The following PER2 variants were observed in gnomAD, a reference collection of about 807,000 sequenced individuals.
PER2 encodes the protein period circadian regulator 2, also known as period circadian protein homolog 2.
A neutral mutation model predicts 121.0 loss-of-function variants in PER2; 66 were observed. The ratio of observed to expected loss-of-function variants is 0.55; its 90% CI spans 0.45 to 0.67. The LOEUF (loss-of-function observed/expected upper bound fraction) is 0.67, where lower values mean the gene tolerates loss of function less well. Among genes scored for constraint, PER2 ranks in the 30% least tolerant of loss-of-function variants. The pLI, the probability that PER2 is intolerant of heterozygous loss-of-function variation, is 0.00. For missense variants in PER2, 1,521 were observed against 1,635.0 expected, an observed-to-expected ratio of 0.93 and a Z score of 1.20; for synonymous variants, 684 against 659.9, an observed-to-expected ratio of 1.04 and a Z score of -0.56.
intron 11 of PER2, 64 bp downstream of exon 11, chr2:238,262,127 G>A (rs200042261): frequency 1.4e-6 from 2 of 1,480,326 alleles, no homozygotes; most frequent in African/African-American, 2.8e-5. Context: ...TTGCTGGGAG[G>A]TGAGGACAGC....
intron 9 of PER2, among the ~76,000 whole-genome samples, chr2:238,264,942 C>A (rs923564207): frequency 2.0e-5 from 3 of 152,208 alleles, no homozygotes; most frequent in African/African-American, 7.2e-5. Flanking sequence ...ACCTAGCCGG[C>A]CCAAGTGTTT....
chr2:238,251,410 C>T (rs1191136019), intron 20 of PER2, among the ~76,000 whole-genome samples, 189 bp downstream of exon 20: 2 of 152,228 alleles, frequency 1.3e-5, no homozygotes, highest in African/African-American at 2.4e-5. Context: ...ATGTGGAATT[C>T]TGACTAGCTA....
chr2:238,293,175 A>G (rs1696976540), upstream of PER2, among the ~76,000 whole-genome samples: 1 of 152,134 alleles, frequency 6.6e-6, no homozygotes, highest in East Asian at 1.9e-4. Flanking sequence ...TTAAATTGCC[A>G]TAGCTTTGTC....
Position 238,271,468 on chromosome 2 carries a change from A to G in PER2, c.616T>C (p.Tyr206His). ...ATGGATGCAACCTGGTCAGAGATGT[A>G]CAGGATCTTCCCAGACACCAGGGAC... is the stretch of plus-strand genomic sequence containing the variant. ...AVSLVSGKILYISDQVASIFH... is the reference protein window; with the variant it reads ...AVSLVSGKILHISDQVASIFH... The change falls in exon 6 of 23, where the codon TAC becomes CAC. Residue 206 changes from tyrosine (Y) to histidine (H), a missense_variant. Coordinates refer to ENST00000254657, the MANE Select transcript of PER2 (RefSeq NM_022817.3). 1 of 1,614,056 alleles carries G rather than the reference A, an allele frequency of 6.2e-7. No homozygotes were observed. Among genetic ancestry groups the G allele is most frequent in the Non-Finnish European group, 8.5e-7 (1 of 1,179,890 alleles).
chr2:238,266,110 G>C (rs62194937), intron 8 of PER2, among the ~76,000 whole-genome samples: 10,528 of 151,670 alleles, frequency 0.069, 505 homozygotes, highest in Middle Eastern at 0.099. Flanking sequence ...TCACCGTGTT[G>C]GCCAGGATGG....
chr2:238,281,005 A>C (rs1574860567), intron 1 of PER2, among the ~76,000 whole-genome samples: 1 of 145,602 alleles, frequency 6.9e-6, no homozygotes, highest in Non-Finnish European at 1.5e-5. Context: ...CAATGTTTAC[A>C]CTTTTTTTTT....
rs1400988777 is a variant in PER2, at chr2:238,249,091, C to G, written c.3589G>C (p.Gly1197Arg). 1.9e-6 allele frequency: 3 copies of G among 1,614,090 alleles called. No homozygotes were observed. The highest frequency in any genetic ancestry group is 1.6e-4 in the Middle Eastern group (1 of 6,084). The change falls in exon 22 of 23, where the codon GGC becomes CGC. Residue 1197 changes from glycine (G) to arginine (R), a missense_variant. Gly to Arg is a moderately radical substitution (Grantham distance 125). Transcript: ENST00000254657. Reference sequence around the variant, plus strand: ...ACGTCGATGGCTGCGGGCAGGCCGCCCGTCTGCATCCACTGGTGGACCTCG... The same window carrying G: ...ACGTCGATGGCTGCGGGCAGGCCGCGCGTCTGCATCCACTGGTGGACCTCG... ...LREVHQWMQT[G>R]GLPAAIDVAE...
chr2:238,246,107 G>A lies in PER2; in HGVS notation c.*268C>T, dbSNP rs1695439689. 1 of 235,292 alleles carries A rather than the reference G, an allele frequency of 4.3e-6. No homozygotes were observed. The highest frequency in any genetic ancestry group is 2.2e-5 in the African/African-American group (1 of 44,724). 14.6% of individuals were successfully genotyped at this position (235,292 alleles called of 1,614,324 possible). A position where few individuals can be genotyped will look rare whatever the true frequency, so the allele number is the denominator to read the frequency against. ...CTAAGAGGCGCTTAGTCTTTCTCAA[G>A]TTAAATAACAACTAAAATCTCTTCC... On this transcript the variant is annotated 3_prime_UTR_variant, in exon 23 of 23. Coordinates refer to ENST00000254657, the MANE Select transcript of PER2 (RefSeq NM_022817.3).
chr2:238,264,882 C>T (rs1696046180), intron 9 of PER2, among the ~76,000 whole-genome samples: 2 of 152,210 alleles, frequency 1.3e-5, no homozygotes, highest in African/African-American at 4.8e-5. Flanking sequence ...TCAAGTGATG[C>T]TCCTATCTCA....
upstream of PER2, among the ~76,000 whole-genome samples, chr2:238,294,037 G>C (rs1697004756): frequency 6.6e-6 from 1 of 152,204 alleles, no homozygotes; most frequent in Admixed American, 6.5e-5. Context: ...CCCTGTCTGA[G>C]CTGATCCCCC....
the PER2 span, among the ~76,000 whole-genome samples, chr2:238,295,204 A>AGTTGTTGTT: frequency 5.4e-5 from 8 of 148,674 alleles, no homozygotes; most frequent in African/African-American, 1.8e-4. Flanking sequence ...GAAGCAACAA[A>AGTTGTTGTT]GTTGTTGTTG....
rs35093813 is a variant in PER2 at position 238,245,124 on chromosome 2, T to A, written c.*1251A>T. The A allele has an allele frequency of 0.095, 14,569 of 152,774 alleles. 746 individuals carry two copies. Among genetic ancestry groups the A allele is most frequent in the South Asian group, 0.13 (640 of 4,786 alleles). 9.5% of individuals were successfully genotyped at this position (152,774 alleles called of 1,614,324 possible). ...AGTCTTGGTCCAATTTTAAGTCAAC[T>A]GTTCTTCAGTGATAACTTTGAATTT... On this transcript the variant is annotated 3_prime_UTR_variant, in exon 23 of 23. Transcript: ENST00000254657.
At chr2:238,286,750 G>A (rs1675755244) in intron 1 of PER2, among the ~76,000 whole-genome samples, 1 of 152,268 alleles carries the variant, frequency 6.6e-6, no homozygotes, top group Non-Finnish European at 1.5e-5. Flanking sequence ...TGACCTGACA[G>A]AGCCGTGGTT....
At chr2:238,274,605 T>C (rs185235282) in intron 4 of PER2, among the ~76,000 whole-genome samples, 1 of 152,348 alleles carries the variant, frequency 6.6e-6, no homozygotes, top group African/African-American at 2.4e-5. Context: ...ACATAATCAC[T>C]GGAGAACAGA....
rs1369908484 is a variant in PER2, at chr2:238,244,676, TAGTC to T, written c.*1695_*1698del. 3.9e-5 allele frequency: 6 copies of T among 152,218 alleles called. No individual in the cohort carries two copies. Among genetic ancestry groups the T allele is most frequent in the African/African-American group, 7.2e-5 (3 of 41,452 alleles). 9.4% of individuals were successfully genotyped at this position (152,218 alleles called of 1,614,324 possible). A position where few individuals can be genotyped will look rare whatever the true frequency, so the allele number is the denominator to read the frequency against. On this transcript the variant is annotated 3_prime_UTR_variant, in exon 23 of 23. Transcript: ENST00000254657. ...TTGTGTTTATGAAGAATAGGTTTAA[TAGTC>T]AGGCATAAGATGGTTTTACGATGAA...
intron 1 of PER2, among the ~76,000 whole-genome samples, chr2:238,283,053 G>A (rs1187612619): frequency 6.6e-6 from 1 of 151,948 alleles, no homozygotes; most frequent in African/African-American, 2.4e-5. Context: ...CACCACTGTG[G>A]GGGCCCTTGC....
In PER2 at chr2:238,253,377, G is replaced by A. The variant is rs772400328; in HGVS notation, c.2646C>T (p.Pro882=). The A allele has an allele frequency of 2.1e-5, 34 of 1,612,402 alleles. No individual in the cohort carries two copies. Among genetic ancestry groups the A allele is most frequent in the East Asian group, 1.3e-4 (6 of 44,858 alleles). ...CTGCAAACTGGTGCTGGAGGTCCACGGGCACAGCAGGCACTGTGAAGCTGG... is the reference window on the plus strand; with the variant it reads ...CTGCAAACTGGTGCTGGAGGTCCACAGGCACAGCAGGCACTGTGAAGCTGG... ...PHASFTVPAV[P]VDLQHQFAVQ... Residue 882 remains proline (P), a synonymous_variant, in exon 19 of 23, where the codon CCC becomes CCT. Transcript: ENST00000254657. This position sits in a 1 kb window ranked among gnomAD's most constrained non-coding sequence, Gnocchi z 5.6.
chr2:238,261,419 C>A (rs1695927775), intron 12 of PER2: 3 of 457,162 alleles, frequency 6.6e-6, no homozygotes, highest in Non-Finnish European at 1.2e-5. Context: ...TGAGCCCCCG[C>A]ACCACTGAGA....
the PER2 span, chr2:238,295,321 T>C: frequency 6.6e-6 from 1 of 152,084 alleles, no homozygotes; most frequent in African/African-American, 2.4e-5. Context: ...TTCTTCTTCT[T>C]CTTCCTCTCT....
Sources: gnomAD v4.1 joint callset for allele counts (sites outside exome capture counted in the v4.1 genomes callset) on GRCh38, gnomAD v4.1.1 for gene constraint, Gnocchi (gnomAD v3.1) non-coding constraint, MANE v1.5 for transcripts, NCBI Gene and HGNC (gene_info 2026-07-23, HGNC 2026-07-21) for gene names.